The following RAPGEF2 variants were observed in gnomAD, a reference collection of about 807,000 sequenced individuals.
RAPGEF2 encodes PDZ domain containing guanine nucleotide exchange factor (GEF) 1.
A neutral mutation model predicts 186.7 loss-of-function variants in RAPGEF2; 54 were observed. That is an observed-to-expected ratio of 0.29 (90% CI 0.23 to 0.36). The LOEUF is 0.36. Ranked by LOEUF, RAPGEF2 falls within the 10% of genes least tolerant of loss-of-function variation. The probability of loss-of-function intolerance (pLI) is 1.00; values close to 1 mark genes in which losing one functional copy is unlikely to be tolerated. For synonymous variants in RAPGEF2, 712 were observed against 705.9 expected (o/e 1.01, Z -0.14); for missense variants, 1,532 against 2,045.0 (o/e 0.75, Z 4.84).
At chr4:159,357,244 C>A (rs796197064) in intron 29 of RAPGEF2, among the ~76,000 whole-genome samples, 3 of 152,222 alleles carry the variant, frequency 2.0e-5, no homozygotes, top group African/African-American at 7.2e-5. Flanking sequence ...GCCAATAGTC[C>A]TAGCTACTAT....
chr4:159,346,971 G>T lies in RAPGEF2; in HGVS notation c.3685G>T (p.Val1229Leu). The T allele has an allele frequency of 6.2e-7, 1 of 1,614,080 alleles. No individual in the cohort carries two copies. The highest frequency in any genetic ancestry group is 1.3e-5 in the African/African-American group (1 of 75,044). The change falls in exon 25 of 30, where the codon GTG becomes TTG. Residue 1229 changes from valine to leucine, a missense_variant. Val to Leu is a conservative substitution (Grantham distance 32). Around this residue, in one of 4 missense-constraint regions of RAPGEF2, gnomAD observed 594 missense variants for 608.5 expected, o/e 0.98. Transcript: ENST00000691494. The part of the protein sequence containing the change: ...AVSLYPSRKK[V>L]PVKDLPPFGI... ...GTCCCTTTATCCTTCACGGAAGAAA[G>T]TGCCCGTAAAGGATCTCCCACCTTT...
At chr4:159,237,727 T>A (rs892922461) in intron 4 of RAPGEF2, among the ~76,000 whole-genome samples, 2 of 151,250 alleles carry the variant, frequency 1.3e-5, no homozygotes, top group Admixed American at 1.3e-4. Flanking sequence ...AATTTTAATA[T>A]TAGGCTCACA....
At chr4:159,170,964 CCCCATTGTGTGCT>C (rs1337147487) in intron 1 of RAPGEF2, among the ~76,000 whole-genome samples, 3 of 152,022 alleles carry the variant, frequency 2.0e-5, no homozygotes, top group Admixed American at 2.0e-4. Context: ...CTCTTCTTTC[CCCCATTGTGTGCT>C]CTTGGTACCT....
At chr4:159,120,958 G>A (rs1739612663) in intron 1 of RAPGEF2, among the ~76,000 whole-genome samples, 1 of 151,862 alleles carries the variant, frequency 6.6e-6, no homozygotes, top group African/African-American at 2.4e-5. Context: ...GGGTTCGAGC[G>A]ATTCTCCATC....
intron 7 of RAPGEF2, chr4:159,266,955 A>T: frequency 4.4e-6 from 1 of 225,890 alleles, no homozygotes; most frequent in East Asian, 9.2e-5. Flanking sequence ...CTGATAGAAT[A>T]CAGGCAAGAG....
chr4:159,334,389 C>G (rs1001758938), intron 17 of RAPGEF2, among the ~76,000 whole-genome samples: 2 of 152,104 alleles, frequency 1.3e-5, no homozygotes, highest in Admixed American at 1.3e-4. Context: ...GCTGGGATTA[C>G]AGGTGTGCAC....
In RAPGEF2 at chr4:159,186,663, T is replaced by C; in HGVS notation, c.91T>C (p.Tyr31His). The C allele has an allele frequency of 6.8e-7, 1 of 1,463,828 alleles. No homozygotes were observed. The highest frequency in any genetic ancestry group is 9.1e-7 in the Non-Finnish European group (1 of 1,094,616). 90.7% of individuals were successfully genotyped at this position (1,463,828 alleles called of 1,614,324 possible). ...TPQDLEIVYS[Y>H]LHGMEALSNL... ...ACAGGATCTGGAAATAGTATATTCCTATTTACATGGTATGGAAGCCTTATC... is the reference window on the plus strand; with the variant it reads ...ACAGGATCTGGAAATAGTATATTCCCATTTACATGGTATGGAAGCCTTATC... The change falls in exon 2 of 30, where the codon TAT (tyrosine) becomes CAT (histidine). Residue 31 changes from tyrosine to histidine, a missense_variant. This residue lies in a region of RAPGEF2 where 810 missense variants were observed against 1,210.5 expected (regional missense o/e 0.67). Transcript: ENST00000691494.
At chr4:159,292,300 T>A (rs934821917) in intron 7 of RAPGEF2, among the ~76,000 whole-genome samples, 1 of 152,164 alleles carries the variant, frequency 6.6e-6, no homozygotes, top group Non-Finnish European at 1.5e-5. Flanking sequence ...CCACCCTACC[T>A]TGGGCTTTTG....
chr4:159,107,493 A>G (rs970153008), intron 1 of RAPGEF2, among the ~76,000 whole-genome samples: 7 of 152,122 alleles, frequency 4.6e-5, no homozygotes, highest in Non-Finnish European at 1.0e-4. Context: ...TCTATTGCAA[A>G]ACTGTTTCTT....
chr4:159,353,951 G>A lies in RAPGEF2; in HGVS notation c.4556G>A (p.Ser1519Asn). 6.2e-7 allele frequency: 1 copy of A among 1,614,036 alleles called. No homozygotes were observed. Residue 1519 changes from serine (S) to asparagine (N), a missense_variant, in exon 28 of 30, where the codon AGC (serine) becomes AAC (asparagine). Physicochemically the swap from Ser to Asn is conservative, Grantham distance 46 (BLOSUM62 1). Transcript: ENST00000691494. The surrounding 1 kb of genome is among the most constrained non-coding windows in gnomAD (Gnocchi z 4.3). The stretch of plus-strand genomic sequence containing the variant: ...AAGGATGTTTCCATTGAAGCCGAAA[G>A]CAGTAGCCTAACGTCTGTGACTACG... Reference protein sequence around the residue: ...GGKDVSIEAESSSLTSVTTEE... With the variant: ...GGKDVSIEAENSSLTSVTTEE...
chr4:159,195,360 A>G (rs1454281365), intron 3 of RAPGEF2, among the ~76,000 whole-genome samples: 1 of 152,206 alleles, frequency 6.6e-6, no homozygotes, highest in African/African-American at 2.4e-5. Flanking sequence ...AGCAGTAAGC[A>G]TCAACTTTCT....
intron 4 of RAPGEF2, among the ~76,000 whole-genome samples, chr4:159,225,139 T>C (rs1411164535): frequency 2.0e-5 from 3 of 151,936 alleles, no homozygotes; most frequent in Admixed American, 2.0e-4. Context: ...CAGGGTAGGG[T>C]AGGTGGAGAG....
chr4:159,204,874 CT>C (rs1237347823), intron 3 of RAPGEF2, among the ~76,000 whole-genome samples: 1 of 152,148 alleles, frequency 6.6e-6, no homozygotes, highest in Non-Finnish European at 1.5e-5. Context: ...ATACGAACCT[CT>C]TTAGTCTTCA....
At chr4:159,208,115 C>T in intron 3 of RAPGEF2, among the ~76,000 whole-genome samples, 1 of 151,846 alleles carries the variant, frequency 6.6e-6, no homozygotes, top group Non-Finnish European at 1.5e-5. Context: ...GCTAAGTAGT[C>T]ATGAATTTGG....
At chr4:159,299,269 A>G (rs958795639) in intron 7 of RAPGEF2, among the ~76,000 whole-genome samples, 1 of 152,162 alleles carries the variant, frequency 6.6e-6, no homozygotes, top group African/African-American at 2.4e-5. Flanking sequence ...GCATTCTGTT[A>G]TAACTGTTAC....
At chr4:159,299,019 G>A (rs1762347030) in intron 7 of RAPGEF2, among the ~76,000 whole-genome samples, 1 of 152,072 alleles carries the variant, frequency 6.6e-6, no homozygotes, top group Non-Finnish European at 1.5e-5. Flanking sequence ...TAGAAAATAT[G>A]TCTAGGAATA....
chr4:159,320,967 C>T (rs370068419), intron 9 of RAPGEF2, among the ~76,000 whole-genome samples: 6 of 152,084 alleles, frequency 3.9e-5, no homozygotes, highest in East Asian at 1.9e-4. Flanking sequence ...CTCTGTGCCA[C>T]GGACTTTTAT....
Position 159,258,597 on chromosome 4 carries a change from G to A in RAPGEF2, c.543+14806G>A, listed in dbSNP as rs114102951. ...TTAAACCATTTTGAAAACTTACATA[G>A]TTTGATATTTATTTCCAGACACTAG... On this transcript the variant is annotated intron_variant, in intron 7 of 29. Coordinates refer to ENST00000691494, the MANE Select transcript of RAPGEF2 (RefSeq NM_001394067.2). 4.9e-3 allele frequency among the ~76,000 whole-genome samples: 749 copies of A among 151,996 alleles called. 5 individuals carry two copies. The highest frequency in any genetic ancestry group is 0.016 in the African/African-American group (675 of 41,472).
At chr4:159,131,016 C>G (rs537893340) in intron 1 of RAPGEF2, among the ~76,000 whole-genome samples, 1 of 151,464 alleles carries the variant, frequency 6.6e-6, no homozygotes, top group Non-Finnish European at 1.5e-5. Context: ...TTAACTTTAC[C>G]TTTTTAAATA....
Sources: allele counts gnomAD v4.1 joint callset (sites outside exome capture counted in the v4.1 genomes callset), GRCh38; gene constraint gnomAD v4.1.1; regional missense constraint gnomAD v4.1.1; non-coding constraint Gnocchi (gnomAD v3.1); transcripts MANE v1.5; gene names NCBI Gene and HGNC (gene_info 2026-07-23, HGNC 2026-07-21).